Variants in TAB3 observed in about 807,000 individuals in gnomAD.
TAB3 encodes the protein TGF-beta activated kinase 1 (MAP3K7) binding protein 3.
Under a neutral mutation model 48.1 loss-of-function variants are expected in TAB3, and 18 were observed. The ratio of observed to expected loss-of-function variants is 0.37; its 90% CI spans 0.26 to 0.55. TAB3 has a LOEUF of 0.55. TAB3 is among the 20% of genes least tolerant of loss of function. The pLI is 0.78. For missense variants in TAB3, 414 were observed against 549.8 expected, an observed-to-expected ratio of 0.75 and a Z score of 2.47; for synonymous variants, 185 against 190.2, an observed-to-expected ratio of 0.97 and a Z score of 0.22.
At chrX:30,866,624 AAGT>A (rs1245040178) in intron 4 of TAB3, among the ~76,000 whole-genome samples, 1 of 110,399 alleles carries the variant, frequency 9.1e-6, no homozygotes, top group Non-Finnish European at 1.9e-5. Context: ...AAAATAAATA[AAGT>A]AGTATTATAT....
In TAB3 at chrX:30,829,102, C is replaced by T. The variant is rs1486098076; in HGVS notation, c.*2325G>A. 1 of 112,438 alleles carries T rather than the reference C, an allele frequency of 8.9e-6. No homozygotes were observed. The highest frequency in any genetic ancestry group is 1.9e-5 in the Non-Finnish European group (1 of 53,285). 9.3% of individuals were successfully genotyped at this position (112,438 alleles called of 1,213,427 possible). On this transcript the variant is annotated 3_prime_UTR_variant, in exon 11 of 11. Transcript: ENST00000288422. ...CCACCCTTTACACCTATCCAATAGA[C>T]TGTTTTCTCTCTTTTCCTGGCAGGT...
chrX:30,835,940 T>TTATC (rs1480142944), intron 9 of TAB3: 1 of 112,400 alleles, frequency 8.9e-6, no homozygotes, highest in African/African-American at 3.2e-5. Context: ...TTTTACTGGT[T>TTATC]TATCTTTTTT....
chrX:30,847,465 C>A (rs1027278034), intron 7 of TAB3, among the ~76,000 whole-genome samples: 1 of 107,582 alleles, frequency 9.3e-6, no homozygotes, highest in Non-Finnish European at 1.9e-5. Flanking sequence ...CTTTACTTCC[C>A]ATGTCATCCT....
At chrX:30,883,685 T>C (rs372988854) in intron 1 of TAB3, among the ~76,000 whole-genome samples, 32 of 112,273 alleles carry the variant, frequency 2.9e-4, no homozygotes, top group Non-Finnish European at 5.8e-4. Context: ...ATCTGCAAGA[T>C]TGTGTTCATA....
In TAB3 at chrX:30,831,675, G is replaced by A. The variant is rs764889305; in HGVS notation, c.1991-100C>T. The stretch of plus-strand genomic sequence containing the variant: ...AAAGAAAAATACCACAAAAATCAAG[G>A]GAGGTAATTGCCTACTTTAATATGT... On this transcript the variant is annotated intron_variant, in intron 10 of 10. Coordinates refer to ENST00000288422, the MANE Select transcript of TAB3 (RefSeq NM_152787.5). The A allele has an allele frequency of 3.2e-6, 3 of 929,776 alleles. No homozygotes were observed. The Admixed American group carries it at 1.0e-4, about 32-fold the overall frequency. 76.6% of individuals were successfully genotyped at this position (929,776 alleles called of 1,213,427 possible).
rs1333343843 is a variant in TAB3 at position 30,834,082 on chromosome X, G to A, written c.1959C>T (p.Asp653=). 1.7e-6 allele frequency: 2 copies of A among 1,209,682 alleles called. No homozygotes were observed. The highest frequency in any genetic ancestry group is 1.7e-5 in the African/African-American group (1 of 57,147). ...RISVTSKVQA[D]IHDTQAAAAD... is the part of the protein sequence containing the mutation. ...CAGCTGCTGCCTGGGTGTCATGGAT[G>A]TCTGCCTGTACTTTGGAGGTCACGC... Residue 653 remains aspartate, a synonymous_variant, in exon 10 of 11, where the codon GAC becomes GAT. Transcript: ENST00000288422.
chrX:30,854,734 C>G lies in TAB3; in HGVS notation c.931G>C (p.Val311Leu), dbSNP rs1057302705. 8.3e-7 allele frequency: 1 copy of G among 1,211,308 alleles called. No homozygotes were observed. Among genetic ancestry groups the G allele is most frequent in the Non-Finnish European group, 1.1e-6 (1 of 895,406 alleles). The change falls in exon 6 of 11, where the codon GTG becomes CTG. Residue 311 changes from valine (V) to leucine (L), a missense_variant. Coordinates refer to ENST00000288422, the MANE Select transcript of TAB3 (RefSeq NM_152787.5). ...ATGTGGCCCAACTGGGAAGGTTGCA[C>G]TTGATGCTGTGGAGAGCTGAAGGGT... ...PSPFSSPQHQ[V>L]QPSQLGHIFM... is the part of the protein sequence containing the mutation.
At position 30,868,565 on chromosome X, in the gene TAB3, GCTTATATATATAT is replaced by G. The variant is rs1569222044; in HGVS notation, c.-279-1029_-279-1017del. Among the ~76,000 whole-genome samples the G allele has an allele frequency of 3.3e-3, 39 of 11,808 alleles. 7 individuals are homozygous for G. The highest frequency in any genetic ancestry group is 0.083 in the Middle Eastern group (1 of 12). 10.3% of individuals were successfully genotyped at this position (11,808 alleles called of 115,157 possible). A position where few individuals can be genotyped will look rare whatever the true frequency, so the allele number is the denominator to read the frequency against. ...ATATATATATATATATATATATATA[GCTTATATATATAT>G]ATATATATAGAGAGAGAGAGAGAGA... On this transcript the variant is annotated intron_variant, in intron 2 of 10. Coordinates refer to ENST00000288422, the MANE Select transcript of TAB3 (RefSeq NM_152787.5).
At chrX:30,857,107 CA>C (rs1939100974) in intron 5 of TAB3, among the ~76,000 whole-genome samples, 1 of 111,698 alleles carries the variant, frequency 9.0e-6, no homozygotes. Flanking sequence ...TACTAAAATT[CA>C]AATACTTTAA....
intron 4 of TAB3, among the ~76,000 whole-genome samples, chrX:30,861,724 T>C (rs756150928): frequency 2.0e-4 from 22 of 111,840 alleles, no homozygotes; most frequent in South Asian, 3.7e-4. Flanking sequence ...TAAGGCAGCA[T>C]TGTCCAGTAA....
Position 30,843,807 on chromosome X carries a change from G to A in TAB3, c.1805-758C>T, listed in dbSNP as rs755352170. On this transcript the variant is annotated intron_variant, in intron 8 of 10. Coordinates refer to ENST00000288422, the MANE Select transcript of TAB3 (RefSeq NM_152787.5). ...CTGTATTTCAGCCACATCTCCTGCT[G>A]TGTCTCCTCCAAGGTTGGTTTTGGG... is the stretch of plus-strand genomic sequence containing the variant. The A allele has an allele frequency of 2.7e-5, 3 of 111,652 alleles. No homozygotes were observed. In the East Asian group the frequency reaches 8.4e-4, roughly 31 times the overall value. The allele number at this position is 111,652 out of a possible 1,213,427, so 9.2% of individuals were successfully genotyped here.
At chrX:30,849,543 C>T (rs1360457208) in intron 7 of TAB3, among the ~76,000 whole-genome samples, 2 of 112,734 alleles carry the variant, frequency 1.8e-5, no homozygotes, top group Non-Finnish European at 3.8e-5. Flanking sequence ...AATGATAAGG[C>T]TAGCCATCTA....
intron 7 of TAB3, among the ~76,000 whole-genome samples, chrX:30,850,229 GGGAAACACTTA>G (rs2147351800): frequency 8.9e-6 from 1 of 111,806 alleles, no homozygotes; most frequent in Admixed American, 9.5e-5. Context: ...GGAAACACAT[GGGAAACACTTA>G]AATGTCTTAT....
rs763136377 is a variant in TAB3, at chrX:30,854,679, G to A, written c.986C>T (p.Pro329Leu). The stretch of plus-strand genomic sequence containing the variant: ...AGGTCCTTGTTGATATGGATGGGGT[G>A]GAGTAGTTGAAGGACTAGGTGGCAT... ...IFMPPSPSTT[P>L]PHPYQQGPPS... is the part of the protein sequence containing the mutation. Residue 329 changes from proline (P) to leucine (L), a missense_variant, in exon 6 of 11, where the codon CCA (proline) becomes CTA (leucine). Physicochemically the swap from Pro to Leu is moderately conservative, Grantham distance 98. Transcript: ENST00000288422. 12 of 1,209,397 alleles carry A rather than the reference G, an allele frequency of 9.9e-6. No homozygotes were observed. In the African/African-American group the frequency reaches 1.8e-4, roughly 18 times the overall value.
At chrX:30,860,992 A>AC (rs1452142824) in intron 4 of TAB3, among the ~76,000 whole-genome samples, 1 of 112,274 alleles carries the variant, frequency 8.9e-6, no homozygotes, top group Non-Finnish European at 1.9e-5. Context: ...AAACATGTGT[A>AC]CATGCACACA....
intron 1 of TAB3, among the ~76,000 whole-genome samples, chrX:30,872,628 C>T: frequency 8.9e-6 from 1 of 112,466 alleles, no homozygotes; most frequent in Non-Finnish European, 1.9e-5. Context: ...AGCAGTTTGT[C>T]CATATATAAA....
At chrX:30,832,049 C>G (rs539360695) in intron 10 of TAB3, among the ~76,000 whole-genome samples, 29 of 112,022 alleles carry the variant, frequency 2.6e-4, no homozygotes, top group African/African-American at 8.1e-4. Context: ...CTACAATATG[C>G]ATATGTTTTA....
At position 30,859,660 on chromosome X, in the gene TAB3, C is replaced by G; in HGVS notation, c.-72G>C. 6.4e-6 allele frequency: 4 copies of G among 628,199 alleles called. No homozygotes were observed. Among genetic ancestry groups the G allele is most frequent in the Non-Finnish European group, 1.0e-5 (4 of 400,991 alleles). 51.8% of individuals were successfully genotyped at this position (628,199 alleles called of 1,213,427 possible). A position where few individuals can be genotyped will look rare whatever the true frequency, so the allele number is the denominator to read the frequency against. ...CCGGCTTTCCAAAAGTAATGATCTT[C>G]TAGCACCACAGTCATTTTCTATTTA... On this transcript the variant is annotated 5_prime_UTR_variant, in exon 5 of 11. Coordinates refer to ENST00000288422, the MANE Select transcript of TAB3 (RefSeq NM_152787.5).
intron 7 of TAB3, 103 bp downstream of exon 7, chrX:30,852,675 C>CA: frequency 1.1e-6 from 1 of 912,949 alleles, no homozygotes; most frequent in Non-Finnish European, 1.5e-6. Context: ...ACAACAACAA[C>CA]AAAAAACCGG....
Sources: gnomAD v4.1 joint callset for allele counts (sites outside exome capture counted in the v4.1 genomes callset) on GRCh38, gnomAD v4.1.1 for gene constraint, MANE v1.5 for transcripts, NCBI Gene and HGNC (gene_info 2026-07-23, HGNC 2026-07-21) for gene names.